The following CCNJL variants were observed in gnomAD, a reference collection of about 807,000 sequenced individuals.
The protein encoded by CCNJL is cyclin-J-like protein.
CCNJL carries 33 observed loss-of-function variants against 33.4 expected under a neutral mutation model. The ratio of observed to expected loss-of-function variants is 0.99; its 90% confidence interval spans 0.75 to 1.32. The LOEUF is 1.32. CCNJL is among the 40% of genes most tolerant of loss of function. The probability of loss-of-function intolerance (pLI) is 0.00; values close to 1 mark genes in which losing one functional copy is unlikely to be tolerated. For synonymous variants in CCNJL, 227 were observed against 220.9 expected (o/e 1.03, Z -0.24); for missense variants, 512 against 499.7 (o/e 1.02, Z -0.23).
At position 160,253,720 on chromosome 5, in the gene CCNJL, G is replaced by A; in HGVS notation, c.822C>T (p.Thr274=). ...ALAMVPGTPP[T]PTQVLFQPPA... is the part of the protein sequence containing the mutation. ...GTGGCTGGAACAGCACTTGAGTGGG[G>A]GTGGGGGGTGTGCCGGGCACCATTG... is the stretch of plus-strand genomic sequence containing the variant. The change falls in exon 6 of 6, where the codon ACC becomes ACT. Residue 274 remains threonine (T), a synonymous_variant. Transcript: ENST00000257536. 1 of 1,586,722 alleles carries A rather than the reference G, an allele frequency of 6.3e-7. No individual in the cohort carries two copies. Among genetic ancestry groups the A allele is most frequent in the Non-Finnish European group, 8.6e-7 (1 of 1,167,392 alleles).
intron 3 of CCNJL, among the ~76,000 whole-genome samples, chr5:160,268,029 C>T (rs1355148487): frequency 6.6e-6 from 1 of 152,192 alleles, no homozygotes; most frequent in Non-Finnish European, 1.5e-5. Flanking sequence ...ACTTTTTGTA[C>T]TAAAGGTGCT....
Position 160,250,508 on chromosome 5 carries a change from A to C in CCNJL, c.*2870T>G, listed in dbSNP as rs566268789. 4 of 152,294 alleles carry C rather than the reference A, an allele frequency of 2.6e-5. No homozygotes were observed. In the East Asian group the frequency reaches 7.7e-4, roughly 29 times the overall value. 9.4% of individuals were successfully genotyped at this position (152,294 alleles called of 1,614,324 possible). On this transcript the variant is annotated 3_prime_UTR_variant, in exon 6 of 6. Coordinates refer to ENST00000257536, the MANE Select transcript of CCNJL (RefSeq NM_001308173.3). ...TAATCAAAGGCATCTGCACTTAGCAAATGTCTCAGCCCCACAGTGACACCG... is the reference window on the plus strand; with the variant it reads ...TAATCAAAGGCATCTGCACTTAGCACATGTCTCAGCCCCACAGTGACACCG...
upstream of CCNJL, among the ~76,000 whole-genome samples, chr5:160,316,355 C>T (rs938916196): frequency 5.9e-5 from 9 of 152,090 alleles, no homozygotes; most frequent in Non-Finnish European, 1.3e-4. Context: ...CTGAAGCTCA[C>T]AGGTTGGGAA....
chr5:160,262,870 G>A (rs1367724736), intron 3 of CCNJL, among the ~76,000 whole-genome samples: 4 of 152,148 alleles, frequency 2.6e-5, no homozygotes, highest in Non-Finnish European at 5.9e-5. Flanking sequence ...TGTCCCCAGC[G>A]CTGCCACCAC....
chr5:160,265,422 G>A (rs962866710), intron 3 of CCNJL, among the ~76,000 whole-genome samples: 1 of 152,094 alleles, frequency 6.6e-6, no homozygotes, highest in Non-Finnish European at 1.5e-5. Context: ...CGGATCACGA[G>A]GTCAGAAGTT....
intron 3 of CCNJL, among the ~76,000 whole-genome samples, chr5:160,273,211 C>T (rs1761899468): frequency 6.6e-6 from 1 of 152,184 alleles, no homozygotes; most frequent in Admixed American, 6.5e-5. Context: ...TAGGTTCCTG[C>T]AAGGCTCTGA....
chr5:160,277,782 G>C (rs1168577949), intron 3 of CCNJL, among the ~76,000 whole-genome samples: 1 of 125,136 alleles, frequency 8.0e-6, no homozygotes, highest in African/African-American at 3.2e-5. Flanking sequence ...TTTTGCTCTT[G>C]TTGCCCAGCC....
intron 1 of CCNJL, among the ~76,000 whole-genome samples, chr5:160,320,107 C>T (rs1168524761): frequency 1.3e-5 from 2 of 152,058 alleles, no homozygotes; most frequent in Non-Finnish European, 2.9e-5. Flanking sequence ...TTTTGGACCT[C>T]CTTGTTCATA....
chr5:160,275,870 C>G (rs73308674), intron 3 of CCNJL, among the ~76,000 whole-genome samples: 3,846 of 150,244 alleles, frequency 0.026, 140 homozygotes, highest in African/African-American at 0.089. Flanking sequence ...CAAAAGCAAA[C>G]CTCCAAGGTG....
intron 1 of CCNJL, among the ~76,000 whole-genome samples, chr5:160,325,988 C>G (rs2113477334): frequency 2.0e-5 from 3 of 152,278 alleles, no homozygotes; most frequent in Admixed American, 2.0e-4. Flanking sequence ...CTATCCAGCC[C>G]TTTACAAAAA....
chr5:160,277,608 G>A (rs763851420), intron 3 of CCNJL, among the ~76,000 whole-genome samples: 12 of 152,164 alleles, frequency 7.9e-5, no homozygotes, highest in Admixed American at 3.3e-4. Flanking sequence ...TGTCCACTGT[G>A]GAATGACGAA....
chr5:160,300,111 A>C (rs1762877051), intron 2 of CCNJL, among the ~76,000 whole-genome samples: 1 of 152,036 alleles, frequency 6.6e-6, no homozygotes. Flanking sequence ...TTCCAGACTT[A>C]GCAGCTGGCG....
intron 1 of CCNJL, among the ~76,000 whole-genome samples, chr5:160,328,593 A>G (rs1469449516): frequency 1.7e-5 from 2 of 119,994 alleles, no homozygotes; most frequent in Non-Finnish European, 3.6e-5. Context: ...ACTGTCTCTT[A>G]AAAAAAAAAA....
chr5:160,255,770 C>T (rs3749799), intron 4 of CCNJL, 62 bp from the exon 5 acceptor site: 67,399 of 1,437,148 alleles, frequency 0.047, 2,866 homozygotes, highest in South Asian at 0.18. Context: ...CCAGGCCCAC[C>T]CTGAGAATGG....
chr5:160,313,072 C>T (rs1175142121), upstream of CCNJL: 1 of 152,162 alleles, frequency 6.6e-6, no homozygotes, highest in Non-Finnish European at 1.5e-5. Context: ...CCCACGAGTC[C>T]CTAATTCTAA....
At chr5:160,322,884 G>A (rs1021995531) in intron 1 of CCNJL, among the ~76,000 whole-genome samples, 6 of 151,178 alleles carry the variant, frequency 4.0e-5, no homozygotes, top group African/African-American at 1.5e-4. Context: ...CTGCACTCCA[G>A]CCTGGGAGAC....
At chr5:160,273,933 G>A (rs370224767) in intron 3 of CCNJL, among the ~76,000 whole-genome samples, 20 of 151,916 alleles carry the variant, frequency 1.3e-4, no homozygotes, top group African/African-American at 4.8e-4. Flanking sequence ...ACAGGCGTGA[G>A]CCACTGCACC....
rs1394118568 is a variant in CCNJL, at chr5:160,303,743, T to TGTGTGC, written c.66+8114_66+8115insGCACAC. On this transcript the variant is annotated intron_variant, in intron 2 of 5. Transcript: ENST00000257536. ...GTGTGTGTGTCTGTGTGTGTGTGTG[T>TGTGTGC]GTAATAACTCAAAAAGAAAAAGAGA... Among the ~76,000 whole-genome samples the TGTGTGC allele has an allele frequency of 1.1e-4, 17 of 150,422 alleles. No individual in the cohort carries two copies. The Admixed American group carries it at 1.1e-3, about 10-fold the overall frequency.
intron 2 of CCNJL, among the ~76,000 whole-genome samples, chr5:160,309,897 C>A (rs190579782): frequency 6.6e-6 from 1 of 152,136 alleles, no homozygotes; most frequent in African/African-American, 2.4e-5. Context: ...ATCGTCTCTC[C>A]GAGGTGGGCA....
Sources: gnomAD v4.1 joint callset for allele counts (sites outside exome capture counted in the v4.1 genomes callset) on GRCh38, gnomAD v4.1.1 for gene constraint, MANE v1.5 for transcripts, NCBI Gene and HGNC (gene_info 2026-07-23, HGNC 2026-07-21) for gene names.